ZNF516: variants seen among roughly 807,000 people sequenced by gnomAD.
ZNF516 encodes zinc finger protein 516.
Under a neutral mutation model 79.7 loss-of-function variants are expected in ZNF516, and 19 were observed. That is an observed-to-expected ratio of 0.24 (90% CI 0.17 to 0.35). The LOEUF (loss-of-function observed/expected upper bound fraction) is 0.35, where lower values mean the gene tolerates loss of function less well. ZNF516 is among the 10% of genes least tolerant of loss of function. The pLI, the probability that ZNF516 is intolerant of heterozygous loss-of-function variation, is 1.00. For missense variants in ZNF516, 1,678 were observed against 1,679.5 expected (o/e 1.00, Z 0.02); for synonymous variants, 877 against 739.5 (o/e 1.19, Z -3.02).
intron 2 of ZNF516, among the ~76,000 whole-genome samples, chr18:76,455,423 A>G (rs1723030079): frequency 6.6e-6 from 1 of 152,188 alleles, no homozygotes; most frequent in South Asian, 2.1e-4. Flanking sequence ...AATGTTGTGA[A>G]CAGTTGTGCA....
At chr18:76,492,110 G>A (rs760834153) in intron 1 of ZNF516, 13 of 957,634 alleles carry the variant, frequency 1.4e-5, no homozygotes, top group Non-Finnish European at 1.6e-5. Context: ...AGGGGTCTCC[G>A]GGGAGGTAGT....
intron 1 of ZNF516, among the ~76,000 whole-genome samples, chr18:76,488,929 C>T (rs1914997015): frequency 6.6e-6 from 1 of 152,118 alleles, no homozygotes; most frequent in Non-Finnish European, 1.5e-5. Context: ...TCCTTTTCCC[C>T]TAAATCAAAA....
In ZNF516 at chr18:76,441,442, C is replaced by A; in HGVS notation, c.1613G>T (p.Arg538Leu). 1 of 1,606,192 alleles carries A rather than the reference C, an allele frequency of 6.2e-7. No homozygotes were observed. The highest frequency in any genetic ancestry group is 8.5e-7 in the Non-Finnish European group (1 of 1,177,612). Residue 538 changes from arginine (R) to leucine (L), a missense_variant, in exon 3 of 7, where the codon CGC (arginine) becomes CTC (leucine). Arg to Leu is a moderately radical substitution (Grantham distance 102). Around this residue, in one of 5 missense-constraint regions of ZNF516, gnomAD observed 1,294 missense variants for 1,248.3 expected, o/e 1.04. Coordinates refer to ENST00000443185, the MANE Select transcript of ZNF516 (RefSeq NM_014643.4). ...HQMVLHSRVH[R>L]RARRERDSDG... The stretch of plus-strand genomic sequence containing the variant: ...ACTGTCCCTCTCGCGGCGCGCGCGG[C>A]GATGCACGCGTGAGTGCAGCACCAT...
chr18:76,416,082 G>C (rs1226798137), intron 3 of ZNF516, among the ~76,000 whole-genome samples: 1 of 152,172 alleles, frequency 6.6e-6, no homozygotes, highest in Non-Finnish European at 1.5e-5. Flanking sequence ...TGGAATAAAA[G>C]GTCAACTTGT....
At chr18:76,401,655 G>A (rs1287258894) in intron 3 of ZNF516, among the ~76,000 whole-genome samples, 2 of 151,048 alleles carry the variant, frequency 1.3e-5, no homozygotes, top group East Asian at 3.9e-4. Flanking sequence ...GCACTCCTGG[G>A]GCAAGGTGAG....
At chr18:76,392,764 A>G (rs12961664) in intron 3 of ZNF516, among the ~76,000 whole-genome samples, 150 of 1,544 alleles carry the variant, frequency 0.097, 11 homozygotes, top group Middle Eastern at 0.17. Context: ...AAGGCAGGTG[A>G]CCAGGTGGGG....
intron 1 of ZNF516, chr18:76,492,656 G>A: frequency 1.1e-6 from 1 of 939,184 alleles, no homozygotes; most frequent in Non-Finnish European, 1.3e-6. Flanking sequence ...AACGCACCAG[G>A]GCGCGCGTGC....
intron 2 of ZNF516, among the ~76,000 whole-genome samples, chr18:76,461,360 T>C (rs974256301): frequency 6.6e-6 from 1 of 152,072 alleles, no homozygotes; most frequent in African/African-American, 2.4e-5. Flanking sequence ...GTGAAAAACA[T>C]GTTGGCTTCC....
intron 3 of ZNF516, among the ~76,000 whole-genome samples, chr18:76,389,838 G>T (rs1235506382): frequency 2.0e-5 from 3 of 152,174 alleles, no homozygotes; most frequent in East Asian, 3.9e-4. Flanking sequence ...TGGGACCTGA[G>T]GGGGAGATGG....
At chr18:76,390,727 T>G (rs942137195) in intron 3 of ZNF516, among the ~76,000 whole-genome samples, 3 of 152,136 alleles carry the variant, frequency 2.0e-5, no homozygotes, top group Non-Finnish European at 4.4e-5. Context: ...GTTTGCCAAC[T>G]CAGCCTGAGC....
chr18:76,434,118 G>A (rs1568287113), intron 3 of ZNF516, among the ~76,000 whole-genome samples: 1 of 152,196 alleles, frequency 6.6e-6, no homozygotes, highest in Admixed American at 6.5e-5. Flanking sequence ...TACCAGGAGC[G>A]ATCCTGCCTG....
In ZNF516 at chr18:76,441,903, G is replaced by C. The variant is rs1456594631; in HGVS notation, c.1152C>G (p.Leu384=). The C allele has an allele frequency of 1.9e-6, 3 of 1,601,348 alleles. No homozygotes were observed. Among genetic ancestry groups the C allele is most frequent in the Non-Finnish European group, 2.5e-6 (3 of 1,177,588 alleles). ...CCGACGGCCTCAGGTTCAGGCACTGGAGGAAGAACTGCTTGGTGTCCGAGG... is the reference window on the plus strand; with the variant it reads ...CCGACGGCCTCAGGTTCAGGCACTGCAGGAAGAACTGCTTGGTGTCCGAGG... ...EGPSDTKQFF[L]QCLNLRPSAA... Residue 384 remains leucine (L), a synonymous_variant, in exon 3 of 7, where the codon CTC becomes CTG. Coordinates refer to ENST00000443185, the MANE Select transcript of ZNF516 (RefSeq NM_014643.4).
intron 1 of ZNF516, among the ~76,000 whole-genome samples, chr18:76,463,907 T>A (rs1599131451): frequency 6.6e-6 from 1 of 152,118 alleles, no homozygotes; most frequent in Non-Finnish European, 1.5e-5. Flanking sequence ...ATGTTCTCAG[T>A]CCTGAACTAC....
chr18:76,396,764 TC>T (rs2075151914), intron 3 of ZNF516, among the ~76,000 whole-genome samples: 1 of 152,120 alleles, frequency 6.6e-6, no homozygotes, highest in African/African-American at 2.4e-5. Flanking sequence ...AGAGTGGTTC[TC>T]CAAACTGTGG....
chr18:76,405,166 G>A (rs1238310093), intron 3 of ZNF516, among the ~76,000 whole-genome samples: 1 of 152,202 alleles, frequency 6.6e-6, no homozygotes, highest in Non-Finnish European at 1.5e-5. Flanking sequence ...CGGTTTCCAG[G>A]GAACAGGGTC....
chr18:76,474,609 T>C (rs553851679), intron 1 of ZNF516, among the ~76,000 whole-genome samples: 1 of 152,316 alleles, frequency 6.6e-6, no homozygotes, highest in East Asian at 1.9e-4. Flanking sequence ...TTAAAAATAT[T>C]CAATTCAACC....
chr18:76,440,983 A>G (rs1191430197), intron 3 of ZNF516, among the ~76,000 whole-genome samples: 1 of 152,194 alleles, frequency 6.6e-6, no homozygotes, highest in Non-Finnish European at 1.5e-5. Context: ...TCTGCACTCC[A>G]AAGTGCCAGT....
At chr18:76,474,330 CAAGG>C (rs1289199259) in intron 1 of ZNF516, among the ~76,000 whole-genome samples, 2 of 152,182 alleles carry the variant, frequency 1.3e-5, no homozygotes, top group Non-Finnish European at 2.9e-5. Flanking sequence ...ATATTAACCA[CAAGG>C]AAGGCTCTAA....
At position 76,358,467 on chromosome 18, in the gene ZNF516, T is replaced by C. The variant is rs1365325245; in HGVS notation, c.*4031A>G. Reference sequence around the variant, plus strand: ...GAATGAACATTTTCCCTTGGGCGGGTGGCCCTTGGTCACTCCCACAGGCAC... The same window carrying C: ...GAATGAACATTTTCCCTTGGGCGGGCGGCCCTTGGTCACTCCCACAGGCAC... On this transcript the variant is annotated 3_prime_UTR_variant, in exon 7 of 7. Coordinates refer to ENST00000443185, the MANE Select transcript of ZNF516 (RefSeq NM_014643.4). 1 of 152,214 alleles carries C rather than the reference T, an allele frequency of 6.6e-6. No homozygotes were observed. The highest frequency in any genetic ancestry group is 1.9e-4 in the East Asian group (1 of 5,198). 9.4% of individuals were successfully genotyped at this position (152,214 alleles called of 1,614,324 possible).
Sources: allele counts gnomAD v4.1 joint callset (sites outside exome capture counted in the v4.1 genomes callset), GRCh38; gene constraint gnomAD v4.1.1; regional missense constraint gnomAD v4.1.1; transcripts MANE v1.5; gene names NCBI Gene and HGNC (gene_info 2026-07-23, HGNC 2026-07-21).